The following SGCZ variants were observed in gnomAD, a reference collection of about 807,000 sequenced individuals.
The protein encoded by SGCZ is zeta-sarcoglycan.
SGCZ carries 40 observed loss-of-function variants against 41.3 expected under a neutral mutation model. The ratio of observed to expected loss-of-function variants is 0.97; its 90% confidence interval spans 0.75 to 1.26. The LOEUF is 1.26. SGCZ is among the 50% of genes most tolerant of loss of function. The pLI, the probability that SGCZ is intolerant of heterozygous loss-of-function variation, is 0.00. For missense variants in SGCZ, 552 were observed against 369.8 expected (o/e 1.49, Z -4.04); for synonymous variants, 206 against 137.5 (o/e 1.50, Z -3.49).
chr8:15,001,083 G>T (rs1302186474), intron 1 of SGCZ, among the ~76,000 whole-genome samples: 10 of 152,220 alleles, frequency 6.6e-5, no homozygotes, highest in Admixed American at 6.5e-4. Flanking sequence ...GCAGCTCAGT[G>T]ACAGAAGAAC....
At chr8:14,318,360 T>C (rs543068295) in intron 3 of SGCZ, among the ~76,000 whole-genome samples, 15 of 152,064 alleles carry the variant, frequency 9.9e-5, no homozygotes, top group South Asian at 4.1e-4. Context: ...CTTCTTTAAA[T>C]TTTTTTGAAC....
intron 1 of SGCZ, among the ~76,000 whole-genome samples, chr8:15,169,259 G>C (rs268400): frequency 0.2 from 30,817 of 152,064 alleles, 3,641 homozygotes; most frequent in African/African-American, 0.31. Flanking sequence ...CTTTAAAGGG[G>C]GAAATGAGAC....
At chr8:14,109,060 A>C (rs1200283676) in intron 5 of SGCZ, among the ~76,000 whole-genome samples, 1 of 152,154 alleles carries the variant, frequency 6.6e-6, no homozygotes, top group African/African-American at 2.4e-5. Flanking sequence ...TCACACATAG[A>C]GCTCCCACCT....
intron 5 of SGCZ, among the ~76,000 whole-genome samples, chr8:14,126,091 G>A (rs1802850358): frequency 6.6e-6 from 1 of 151,970 alleles, no homozygotes; most frequent in Non-Finnish European, 1.5e-5. Context: ...TGGTGACATA[G>A]CCAAAAGCAA....
chr8:14,953,192 G>A (rs538364987), intron 1 of SGCZ, among the ~76,000 whole-genome samples: 1 of 152,258 alleles, frequency 6.6e-6, no homozygotes, highest in South Asian at 2.1e-4. Context: ...AGGATGTATA[G>A]GAAGCATGGC....
intron 3 of SGCZ, among the ~76,000 whole-genome samples, chr8:14,253,464 A>G (rs539493896): frequency 6.6e-6 from 1 of 152,276 alleles, no homozygotes; most frequent in East Asian, 1.9e-4. Context: ...TGACATGTAT[A>G]TGAAACAAGT....
chr8:14,811,397 C>T (rs887675935), intron 1 of SGCZ, among the ~76,000 whole-genome samples: 1 of 151,720 alleles, frequency 6.6e-6, no homozygotes, highest in African/African-American at 2.4e-5. Context: ...CTCTACTCCA[C>T]TGGCTTTGTT....
intron 2 of SGCZ, among the ~76,000 whole-genome samples, chr8:14,486,069 C>A (rs1025472932): frequency 6.6e-6 from 1 of 152,074 alleles, no homozygotes; most frequent in African/African-American, 2.4e-5. Context: ...TGATACAATA[C>A]AAAATAACGT....
intron 1 of SGCZ, among the ~76,000 whole-genome samples, chr8:15,115,964 G>T (rs1451043582): frequency 6.6e-6 from 1 of 152,186 alleles, no homozygotes; most frequent in African/African-American, 2.4e-5. Context: ...CACATAGAAA[G>T]TATTTTAGGT....
intron 1 of SGCZ, among the ~76,000 whole-genome samples, chr8:14,884,845 A>G (rs191365959): frequency 6.0e-4 from 91 of 152,182 alleles, no homozygotes; most frequent in African/African-American, 2.0e-3. Context: ...TCTCCTTTCA[A>G]TCCTCCAGTC....
chr8:14,979,401 G>T (rs1408591657), intron 1 of SGCZ, among the ~76,000 whole-genome samples: 1 of 152,148 alleles, frequency 6.6e-6, no homozygotes, highest in African/African-American at 2.4e-5. Context: ...CAGGAAATTT[G>T]TAGCCATTAA....
At chr8:14,997,938 C>A (rs141813169) in intron 1 of SGCZ, among the ~76,000 whole-genome samples, 1 of 151,508 alleles carries the variant, frequency 6.6e-6, no homozygotes, top group Admixed American at 6.6e-5. Flanking sequence ...CCAGCCTGGG[C>A]GAAAGAGTGA....
At chr8:14,377,976 G>T (rs1243557141) in intron 2 of SGCZ, among the ~76,000 whole-genome samples, 1 of 149,942 alleles carries the variant, frequency 6.7e-6, no homozygotes, top group Non-Finnish European at 1.5e-5. Flanking sequence ...TGTGAATAGT[G>T]CCGCAATAAA....
intron 1 of SGCZ, among the ~76,000 whole-genome samples, chr8:14,848,759 A>T (rs936126253): frequency 2.0e-5 from 3 of 152,196 alleles, no homozygotes; most frequent in African/African-American, 7.2e-5. Context: ...TCATAGAATA[A>T]AACTTCGTCA....
At chr8:14,263,622 CA>C (rs1799757479) in intron 3 of SGCZ, among the ~76,000 whole-genome samples, 1 of 151,996 alleles carries the variant, frequency 6.6e-6, no homozygotes, top group African/African-American at 2.4e-5. Context: ...AGAGGCAGAG[CA>C]AAATGGCCAA....
intron 1 of SGCZ, among the ~76,000 whole-genome samples, chr8:15,193,100 G>C (rs1800593029): frequency 1.3e-5 from 2 of 152,010 alleles, no homozygotes; most frequent in South Asian, 2.1e-4. Context: ...AAATCACGTA[G>C]GTAAGCACCA....
At chr8:14,749,365 T>C (rs1317645598) in intron 1 of SGCZ, among the ~76,000 whole-genome samples, 1 of 152,142 alleles carries the variant, frequency 6.6e-6, no homozygotes, top group African/African-American at 2.4e-5. Flanking sequence ...ACAGAAATAG[T>C]CCCAAACTCA....
chr8:15,143,149 T>G (rs1798942334), intron 1 of SGCZ, among the ~76,000 whole-genome samples: 1 of 152,168 alleles, frequency 6.6e-6, no homozygotes, highest in African/African-American at 2.4e-5. Context: ...ATAGCTACTG[T>G]GAAGCCAAAA....
intron 2 of SGCZ, among the ~76,000 whole-genome samples, chr8:14,466,879 T>G (rs775887874): frequency 9.9e-5 from 15 of 151,900 alleles, no homozygotes; most frequent in Non-Finnish European, 1.5e-4. Flanking sequence ...TATGTCTTCC[T>G]TTAATACTCT....
Sources: allele counts gnomAD v4.1 joint callset (sites outside exome capture counted in the v4.1 genomes callset), GRCh38; gene constraint gnomAD v4.1.1; transcripts MANE v1.5; gene names NCBI Gene and HGNC (gene_info 2026-07-23, HGNC 2026-07-21).